The following DCC variants were observed in gnomAD, a reference collection of about 807,000 sequenced individuals.
DCC encodes the protein DCC netrin 1 receptor, also known as netrin receptor DCC.
DCC carries 58 observed loss-of-function variants against 172.5 expected under a neutral mutation model. The observed-to-expected ratio is 0.34, with a 90% CI of 0.27 to 0.42. The LOEUF (loss-of-function observed/expected upper bound fraction) is 0.42, where lower values mean the gene tolerates loss of function less well. DCC is among the 10% of genes least tolerant of loss of function. The pLI is 1.00. For synonymous variants in DCC, 709 were observed against 644.5 expected, an observed-to-expected ratio of 1.10 and a Z score of -1.52; for missense variants, 1,740 against 1,791.0, an observed-to-expected ratio of 0.97 and a Z score of 0.51.
At chr18:53,284,595 T>G (rs1821073) in intron 12 of DCC, among the ~76,000 whole-genome samples, 19,741 of 152,138 alleles carry the variant, frequency 0.13, 1,695 homozygotes, top group African/African-American at 0.23. Flanking sequence ...GTCTCAAGTA[T>G]GTCTTTATCA....
Position 53,187,583 on chromosome 18 carries a change from T to C in DCC, c.1573+8467T>C, listed in dbSNP as rs374917541. On this transcript the variant is annotated intron_variant, in intron 9 of 28. Transcript: ENST00000442544. ...TATCTGATCTAACACTCCACCAAAA[T>C]TAAGTAAAACTCCCTTTTAAATTAC... is the stretch of plus-strand genomic sequence containing the variant. Among the ~76,000 whole-genome samples, 20 of 152,344 alleles carry C rather than the reference T, an allele frequency of 1.3e-4. 1 individual carries two copies. Among genetic ancestry groups the C allele is most frequent in the South Asian group, 1.2e-3 (6 of 4,830 alleles).
chr18:52,494,240 G>C (rs1352619746), intron 1 of DCC, among the ~76,000 whole-genome samples: 2 of 146,960 alleles, frequency 1.4e-5, no homozygotes, highest in Non-Finnish European at 3.0e-5. Context: ...TTAGCAGTTT[G>C]ATTATGATAT....
chr18:52,360,197 G>C (rs183759273), intron 1 of DCC, among the ~76,000 whole-genome samples: 306 of 152,206 alleles, frequency 2.0e-3, no homozygotes, highest in Middle Eastern at 0.014. Context: ...GACACTTCTA[G>C]ATTATTGAGT....
intron 7 of DCC, among the ~76,000 whole-genome samples, chr18:53,081,745 T>C (rs2042808090): frequency 6.6e-6 from 1 of 152,070 alleles, no homozygotes; most frequent in African/African-American, 2.4e-5. Flanking sequence ...TTATGTGTAA[T>C]TGTAATTGGT....
At position 53,172,360 on chromosome 18, in the gene DCC, G is replaced by A. The variant is rs185687803; in HGVS notation, c.1419-6602G>A. On this transcript the variant is annotated intron_variant, in intron 8 of 28. Transcript: ENST00000442544. ...AGGGCAAGGGTTGAAAAACTGTTGC[G>A]TACTATACTTACTACCTGGTCATGA... Among the ~76,000 whole-genome samples the A allele has an allele frequency of 9.7e-4, 148 of 152,092 alleles. 1 individual carries two copies. Among genetic ancestry groups the A allele is most frequent in the Non-Finnish European group, 1.7e-3 (114 of 68,000 alleles).
At chr18:52,869,693 C>T (rs956526378) in intron 2 of DCC, among the ~76,000 whole-genome samples, 8 of 152,222 alleles carry the variant, frequency 5.3e-5, no homozygotes, top group African/African-American at 1.2e-4. Flanking sequence ...CTCCCATGCT[C>T]GTCAGCACCC....
chr18:52,679,574 A>C (rs1231835352), intron 1 of DCC, among the ~76,000 whole-genome samples: 1 of 152,140 alleles, frequency 6.6e-6, no homozygotes, highest in African/African-American at 2.4e-5. Flanking sequence ...TCTCTGATTG[A>C]GCAGAAATGC....
At chr18:52,957,232 T>C (rs1048762498) in intron 5 of DCC, among the ~76,000 whole-genome samples, 3 of 152,146 alleles carry the variant, frequency 2.0e-5, no homozygotes, top group Non-Finnish European at 4.4e-5. Context: ...TTTGGAGTTT[T>C]CTAGCCATTA....
At chr18:52,940,934 A>G (rs1434140481) in intron 5 of DCC, 1 of 152,172 alleles carries the variant, frequency 6.6e-6, no homozygotes, top group Admixed American at 6.6e-5. Flanking sequence ...AGTTCTACTG[A>G]GTACATTCTG....
At chr18:53,438,033 T>G (rs1321939484) in intron 22 of DCC, among the ~76,000 whole-genome samples, 1 of 152,222 alleles carries the variant, frequency 6.6e-6, no homozygotes, top group East Asian at 1.9e-4. Flanking sequence ...ATAATTGTTG[T>G]ATTTTATACC....
intron 27 of DCC, among the ~76,000 whole-genome samples, chr18:53,510,950 T>C (rs2046244064): frequency 6.6e-6 from 1 of 152,216 alleles, no homozygotes; most frequent in Non-Finnish European, 1.5e-5. Flanking sequence ...CCTTGTAGAA[T>C]TTTTTATTTT....
At chr18:53,502,907 A>G (rs1467615291) in intron 27 of DCC, among the ~76,000 whole-genome samples, 1 of 151,740 alleles carries the variant, frequency 6.6e-6, no homozygotes, top group African/African-American at 2.4e-5. Flanking sequence ...GGTTTGTTAC[A>G]TAGTTAAACG....
intron 1 of DCC, among the ~76,000 whole-genome samples, chr18:52,479,802 A>T (rs370788107): frequency 8.5e-5 from 13 of 152,132 alleles, no homozygotes; most frequent in Non-Finnish European, 1.5e-4. Flanking sequence ...CACTGAAGTG[A>T]ATCTTGGGAG....
At chr18:53,398,227 T>G (rs2145026750) in intron 18 of DCC, among the ~76,000 whole-genome samples, 1 of 152,272 alleles carries the variant, frequency 6.6e-6, no homozygotes, top group South Asian at 2.1e-4. Flanking sequence ...TAAAGCTGTT[T>G]CCTGGGTAAG....
At chr18:53,193,247 C>T (rs1439110529) in intron 9 of DCC, among the ~76,000 whole-genome samples, 3 of 152,056 alleles carry the variant, frequency 2.0e-5, no homozygotes, top group African/African-American at 7.2e-5. Context: ...TGGCATGGAC[C>T]TGCCCCCGAG....
At chr18:52,474,991 T>G (rs555403600) in intron 1 of DCC, among the ~76,000 whole-genome samples, 9 of 152,340 alleles carry the variant, frequency 5.9e-5, no homozygotes, top group African/African-American at 2.2e-4. Flanking sequence ...CTTTGGAGCT[T>G]CTTCAATTTG....
intron 22 of DCC, among the ~76,000 whole-genome samples, chr18:53,445,024 A>G (rs1912509806): frequency 6.6e-6 from 1 of 152,184 alleles, no homozygotes; most frequent in South Asian, 2.1e-4. Context: ...GCAATTAACA[A>G]TTCACATCAG....
intron 1 of DCC, among the ~76,000 whole-genome samples, chr18:52,380,153 G>A (rs1188972438): frequency 6.6e-6 from 1 of 152,040 alleles, no homozygotes; most frequent in Non-Finnish European, 1.5e-5. Context: ...ATCCATTCAT[G>A]ATGGAGGATC....
chr18:53,167,794 G>T (rs2054945762), intron 8 of DCC, among the ~76,000 whole-genome samples: 1 of 152,122 alleles, frequency 6.6e-6, no homozygotes, highest in African/African-American at 2.4e-5. Context: ...TAAACAGAAA[G>T]CAATGAAAAC....
Sources: gnomAD v4.1 joint callset for allele counts (sites outside exome capture counted in the v4.1 genomes callset) on GRCh38, gnomAD v4.1.1 for gene constraint, MANE v1.5 for transcripts, NCBI Gene and HGNC (gene_info 2026-07-23, HGNC 2026-07-21) for gene names.